Variants in DHRS7B observed in about 807,000 individuals in gnomAD.
DHRS7B encodes the protein peroxisomal reductase activating PPAR-gamma.
Under a neutral mutation model 26.4 loss-of-function variants are expected in DHRS7B, and 24 were observed. The observed-to-expected ratio is 0.91, with a 90% confidence interval of 0.66 to 1.28. The LOEUF (loss-of-function observed/expected upper bound fraction) is 1.28. DHRS7B is among the 50% of genes most tolerant of loss of function. DHRS7B has a pLI of 0.00. For synonymous variants in DHRS7B, 142 were observed against 166.4 expected (o/e 0.85, Z 1.13); for missense variants, 368 against 419.4 (o/e 0.88, Z 1.07).
intron 1 of DHRS7B, among the ~76,000 whole-genome samples, chr17:21,132,359 A>G (rs1358913197): frequency 1.3e-5 from 2 of 149,160 alleles, no homozygotes; most frequent in South Asian, 2.1e-4. Context: ...ATATATATAT[A>G]TATAGATAGA....
chr17:21,153,281 G>A lies in DHRS7B; in HGVS notation c.21-18737G>A, dbSNP rs187405810. ...AATGCCTCTGATGGGCTCAGTAGAC[G>A]GGACATGGCAGAGGAGAGAATCTCT... On this transcript the variant is annotated intron_variant, in intron 1 of 6. Transcript: ENST00000395511. 4.8e-4 allele frequency among the ~76,000 whole-genome samples: 73 copies of A among 152,212 alleles called. No homozygotes were observed. In the East Asian group the frequency reaches 0.011, roughly 22 times the overall value.
chr17:21,131,616 C>T (rs559365238), intron 1 of DHRS7B, among the ~76,000 whole-genome samples: 64 of 152,168 alleles, frequency 4.2e-4, no homozygotes, highest in Non-Finnish European at 7.5e-4. Context: ...ATTTAGAATG[C>T]CTAACCTGCG....
At chr17:21,188,678 C>T (rs571452442) in intron 5 of DHRS7B, 33 bp from the exon 6 acceptor site, 1 of 1,547,380 alleles carries the variant, frequency 6.5e-7, no homozygotes, top group Admixed American at 2.0e-5. Flanking sequence ...CCCCAGCGCA[C>T]TCAGTCACCT....
chr17:21,172,431 G>C, intron 2 of DHRS7B: 1 of 78,222 alleles, frequency 1.3e-5, no homozygotes, highest in Non-Finnish European at 2.3e-5. Context: ...AAGCAGCCTG[G>C]CCCCGGGGGT....
chr17:21,164,628 A>G (rs1460463570), intron 1 of DHRS7B, among the ~76,000 whole-genome samples: 2 of 152,350 alleles, frequency 1.3e-5, no homozygotes, highest in Non-Finnish European at 2.9e-5. Context: ...TGTACTTTGG[A>G]CAGCCCACTA....
chr17:21,191,334 T>G lies in DHRS7B; in HGVS notation c.*181T>G. The G allele has an allele frequency of 4.8e-6, 3 of 628,346 alleles. No individual in the cohort carries two copies. Among genetic ancestry groups the G allele is most frequent in the Non-Finnish European group, 5.5e-6 (2 of 364,644 alleles). 38.9% of individuals were successfully genotyped at this position (628,346 alleles called of 1,614,324 possible). On this transcript the variant is annotated 3_prime_UTR_variant, in exon 7 of 7. Coordinates refer to ENST00000395511, the MANE Select transcript of DHRS7B (RefSeq NM_015510.5). Reference sequence around the variant, plus strand: ...ACAATCAAAAACGACAACAAGCTTCTTCCCAGGGTGAGGGGAAACACTTAA... The same window carrying G: ...ACAATCAAAAACGACAACAAGCTTCGTCCCAGGGTGAGGGGAAACACTTAA...
At chr17:21,146,010 C>T (rs1380152056) in intron 1 of DHRS7B, among the ~76,000 whole-genome samples, 1 of 152,192 alleles carries the variant, frequency 6.6e-6, no homozygotes, top group South Asian at 2.1e-4. Flanking sequence ...TTCGTTCGTT[C>T]TCTTTACTGT....
In DHRS7B at chr17:21,140,110, C is replaced by T. The variant is rs895940356; in HGVS notation, c.20+13119C>T. 1.3e-4 allele frequency among the ~76,000 whole-genome samples: 19 copies of T among 144,642 alleles called. No individual in the cohort carries two copies. The East Asian group carries it at 2.1e-3, about 16-fold the overall frequency. 94.9% of individuals were successfully genotyped at this position (144,642 alleles called of 152,430 possible). Reference sequence around the variant, plus strand: ...CGTGATCTCTGCTCACTGCAAGCTCCGCCCCCTGGGTTCACGCCATTCTCT... The same window carrying T: ...CGTGATCTCTGCTCACTGCAAGCTCTGCCCCCTGGGTTCACGCCATTCTCT... On this transcript the variant is annotated intron_variant, in intron 1 of 6. Transcript: ENST00000395511.
chr17:21,146,632 C>T (rs1973650369), intron 1 of DHRS7B, among the ~76,000 whole-genome samples: 1 of 152,144 alleles, frequency 6.6e-6, no homozygotes, highest in Non-Finnish European at 1.5e-5. Context: ...ATTCACACCT[C>T]AAATTTATTT....
chr17:21,139,614 C>T (rs1973443342), intron 1 of DHRS7B, among the ~76,000 whole-genome samples: 1 of 151,702 alleles, frequency 6.6e-6, no homozygotes, highest in African/African-American at 2.4e-5. Context: ...GCAGAAGTTG[C>T]AGTGAGCCAA....
In DHRS7B at chr17:21,188,869, GC is replaced by G; in HGVS notation, c.772+9del. On this transcript the variant is annotated splice_region_variant and intron_variant, in intron 6 of 6. Transcript: ENST00000395511. ...GGATGGATCTAGGTATGGAGGTGAG[GC>G]CCGGTTTCTCTTTTCTCCTATGAAA... 2 of 1,614,142 alleles carry G rather than the reference GC, an allele frequency of 1.2e-6. No individual in the cohort carries two copies. Among genetic ancestry groups the G allele is most frequent in the Non-Finnish European group, 1.7e-6 (2 of 1,180,008 alleles).
chr17:21,140,221 A>C (rs1973464146), intron 1 of DHRS7B, among the ~76,000 whole-genome samples: 1 of 151,522 alleles, frequency 6.6e-6, no homozygotes, highest in Non-Finnish European at 1.5e-5. Flanking sequence ...ATGGGGTTTC[A>C]CCATGTTAGC....
At chr17:21,150,105 T>TA (rs61516968) in intron 1 of DHRS7B, among the ~76,000 whole-genome samples, 1,178 of 49,994 alleles carry the variant, frequency 0.024, 62 homozygotes, top group African/African-American at 0.06. Context: ...CATCTCTATT[T>TA]AAAAAAAAAA....
chr17:21,175,045 A>G (rs1455949311), intron 2 of DHRS7B, among the ~76,000 whole-genome samples: 2 of 152,192 alleles, frequency 1.3e-5, no homozygotes, highest in African/African-American at 4.8e-5. Context: ...CACCTCCTTC[A>G]AAGAAGATAG....
chr17:21,138,095 TATATATACACAC>T (rs1435885753), intron 1 of DHRS7B, among the ~76,000 whole-genome samples: 2 of 81,664 alleles, frequency 2.4e-5, no homozygotes, highest in African/African-American at 1.1e-4. Context: ...TATATATATA[TATATATACACAC>T]ACACACACAC....
intron 2 of DHRS7B, among the ~76,000 whole-genome samples, chr17:21,174,906 T>G (rs1044915021): frequency 2.0e-5 from 3 of 152,166 alleles, no homozygotes; most frequent in African/African-American, 7.2e-5. Flanking sequence ...GTGGGGGCTC[T>G]GCTGCTCTGC....
chr17:21,149,657 T>C (rs1400575973), intron 1 of DHRS7B, among the ~76,000 whole-genome samples: 3 of 152,126 alleles, frequency 2.0e-5, no homozygotes, highest in African/African-American at 7.2e-5. Context: ...TTTAAACATA[T>C]TTTTCTTTGT....
intron 1 of DHRS7B, among the ~76,000 whole-genome samples, chr17:21,129,176 A>G (rs1225147983): frequency 6.6e-6 from 1 of 152,194 alleles, no homozygotes; most frequent in African/African-American, 2.4e-5. Context: ...AATATTAATT[A>G]CGATTGTGAT....
chr17:21,166,576 T>G (rs1042735465), intron 1 of DHRS7B: 9 of 595,160 alleles, frequency 1.5e-5, no homozygotes, highest in African/African-American at 1.4e-4. Context: ...CTGCCTTTAC[T>G]TTCTGAAAAT....
Sources: allele counts gnomAD v4.1 joint callset (sites outside exome capture counted in the v4.1 genomes callset), GRCh38; gene constraint gnomAD v4.1.1; transcripts MANE v1.5; gene names NCBI Gene and HGNC (gene_info 2026-07-23, HGNC 2026-07-21).